The following USH2A variants were observed in gnomAD, a reference collection of about 807,000 sequenced individuals.
The protein encoded by USH2A is usherin, also known as Usher syndrome 2A (autosomal recessive, mild).
In USH2A, 443 loss-of-function variants were observed where a neutral mutation model predicts 538.9. The observed-to-expected ratio is 0.82, with a 90% CI of 0.76 to 0.89. The LOEUF is 0.89. USH2A is among the 40% of genes least tolerant of loss of function. USH2A has a pLI of 0.00. For synonymous variants in USH2A, 2,413 were observed against 2,273.5 expected, an observed-to-expected ratio of 1.06 and a Z score of -1.75; for missense variants, 6,633 against 6,324.8, an observed-to-expected ratio of 1.05 and a Z score of -1.65.
In USH2A at chr1:215,722,366, TA is replaced by T. The variant is rs1391405579; in HGVS notation, c.12066+5663del. 7.2e-5 allele frequency among the ~76,000 whole-genome samples: 11 copies of T among 152,282 alleles called. No homozygotes were observed. In the South Asian group the frequency reaches 2.3e-3, roughly 32 times the overall value. On this transcript the variant is annotated intron_variant, in intron 61 of 71. Coordinates refer to ENST00000307340, the MANE Select transcript of USH2A (RefSeq NM_206933.4). ...GAGAAAAGGCTAAGAATCATCAAAT[TA>T]AAAAGAGTTGAAACTAATTTAAGAT...
At chr1:216,143,897 T>G (rs1006011393) in intron 21 of USH2A, among the ~76,000 whole-genome samples, 2 of 152,146 alleles carry the variant, frequency 1.3e-5, no homozygotes, top group Non-Finnish European at 2.9e-5. Context: ...GAAGCTTTGG[T>G]CTTCTATTGT....
rs940987858 is a variant in USH2A, at chr1:216,344,051, G to T, written c.785-16397C>A. Among the ~76,000 whole-genome samples, 8 of 151,952 alleles carry T rather than the reference G, an allele frequency of 5.3e-5. No individual in the cohort carries two copies. The East Asian group carries it at 5.8e-4, about 11-fold the overall frequency. ...CTTGAATTCTTTCTTGAGTGAGAAA[G>T]AATTTTTTAAGATGTTCTTAGATAC... On this transcript the variant is annotated intron_variant, in intron 4 of 71. Transcript: ENST00000307340.
intron 58 of USH2A, among the ~76,000 whole-genome samples, chr1:215,751,445 C>A (rs1265867207): frequency 6.6e-6 from 1 of 152,016 alleles, no homozygotes; most frequent in Non-Finnish European, 1.5e-5. Context: ...TTAATTAGAA[C>A]ATGATTAAGG....
chr1:216,192,007 T>C (rs946781266), intron 19 of USH2A, among the ~76,000 whole-genome samples: 2 of 152,088 alleles, frequency 1.3e-5, no homozygotes, highest in Non-Finnish European at 2.9e-5. Context: ...AAATTATCAC[T>C]TGGATAGACT....
In USH2A at chr1:215,640,107, G is replaced by A. The variant is rs1656624847; in HGVS notation, c.14968+451C>T. Among the ~76,000 whole-genome samples, 4 of 152,304 alleles carry A rather than the reference G, an allele frequency of 2.6e-5. No individual in the cohort carries two copies. The South Asian group carries it at 8.3e-4, about 32-fold the overall frequency. Reference sequence around the variant, plus strand: ...TGTTCTTTCAGGGGCTGATATCAAGGAAGGTTAAGGAAACCCCTTATTCAG... The same window carrying A: ...TGTTCTTTCAGGGGCTGATATCAAGAAAGGTTAAGGAAACCCCTTATTCAG... On this transcript the variant is annotated intron_variant, in intron 68 of 71. Coordinates refer to ENST00000307340, the MANE Select transcript of USH2A (RefSeq NM_206933.4).
At chr1:216,386,810 A>T (rs1207887220) in intron 3 of USH2A, among the ~76,000 whole-genome samples, 5 of 149,574 alleles carry the variant, frequency 3.3e-5, no homozygotes, top group Admixed American at 1.3e-4. Flanking sequence ...AGCTGAGATC[A>T]CGCCACTGCA....
chr1:215,808,426 A>G (rs1169715091), intron 49 of USH2A, among the ~76,000 whole-genome samples: 1 of 152,114 alleles, frequency 6.6e-6, no homozygotes, highest in East Asian at 1.9e-4. Flanking sequence ...TAAAATGGAA[A>G]TAGTGTTTTA....
intron 11 of USH2A, among the ~76,000 whole-genome samples, chr1:216,286,794 T>C (rs2036895178): frequency 6.6e-6 from 1 of 152,108 alleles, no homozygotes; most frequent in Non-Finnish European, 1.5e-5. Flanking sequence ...GGGTATTTCT[T>C]CCCAGCAGTA....
chr1:215,826,784 C>T (rs1222235688), intron 47 of USH2A, among the ~76,000 whole-genome samples: 1 of 151,946 alleles, frequency 6.6e-6, no homozygotes, highest in Non-Finnish European at 1.5e-5. Context: ...TGGATTAAGA[C>T]AGCTCCATAA....
At chr1:216,187,586 C>G (rs1165161451) in intron 20 of USH2A, among the ~76,000 whole-genome samples, 1 of 151,702 alleles carries the variant, frequency 6.6e-6, no homozygotes, top group Non-Finnish European at 1.5e-5. Context: ...TTAGAACTCT[C>G]CATTTTATAT....
chr1:215,713,186 A>G (rs973629177), intron 61 of USH2A, among the ~76,000 whole-genome samples: 2 of 152,158 alleles, frequency 1.3e-5, no homozygotes, highest in Non-Finnish European at 2.9e-5. Context: ...TGACACCATG[A>G]TATCTTCATG....
intron 20 of USH2A, among the ~76,000 whole-genome samples, chr1:216,181,299 T>C (rs1183472546): frequency 1.3e-5 from 2 of 152,080 alleles, no homozygotes; most frequent in Admixed American, 1.3e-4. Context: ...CAAAATTCTT[T>C]GGTTGAATAA....
At chr1:215,940,734 C>T (rs879355543) in intron 37 of USH2A, among the ~76,000 whole-genome samples, 1 of 152,170 alleles carries the variant, frequency 6.6e-6, no homozygotes, top group Non-Finnish European at 1.5e-5. Flanking sequence ...ATATTTCTTA[C>T]ATTACTGTAA....
intron 23 of USH2A, 102 bp downstream of exon 23, chr1:216,088,910 TA>T (rs1279454986): frequency 6.5e-7 from 1 of 1,542,140 alleles, no homozygotes; most frequent in African/African-American, 1.4e-5. Context: ...TGGAATTGAG[TA>T]GAAATTATGG....
intron 26 of USH2A, among the ~76,000 whole-genome samples, chr1:216,079,616 G>C (rs2031866719): frequency 6.6e-6 from 1 of 152,116 alleles, no homozygotes; most frequent in African/African-American, 2.4e-5. Flanking sequence ...AGGACTTTCA[G>C]TGATAGGAGG....
In USH2A at chr1:216,289,339, AAACAT is replaced by A; in HGVS notation, c.1907_1911del (p.Asp636ValfsTer5). The A allele has an allele frequency of 6.2e-7, 1 of 1,613,986 alleles. No individual in the cohort carries two copies. Among genetic ancestry groups the A allele is most frequent in the East Asian group, 2.2e-5 (1 of 44,856 alleles). On this transcript the variant is annotated frameshift_variant, in exon 11 of 72. Coordinates refer to ENST00000307340, the MANE Select transcript of USH2A (RefSeq NM_206933.4). LOFTEE classifies it high-confidence loss of function. ...ACTGTATCACAGTCACAGGGTTTGC[AAACAT>A]CTATGGCCGAAGGATCTGCACCAAC...
chr1:216,073,238 C>G lies in USH2A; in HGVS notation c.5635G>C (p.Val1879Leu). Residue 1879 changes from valine to leucine, a missense_variant, in exon 28 of 72, where the codon GTG (valine) becomes CTG (leucine). Transcript: ENST00000307340. The part of the protein sequence containing the change: ...TRGAVVNLAS[V>L]SSGAVRVNLD... ...TTGACTCTGACAGCACCGCTGGACA[C>G]AGATGCCAAGTTAACGACAGCACCC... The G allele has an allele frequency of 6.2e-6, 10 of 1,613,928 alleles. No homozygotes were observed. Among genetic ancestry groups the G allele is most frequent in the Non-Finnish European group, 5.9e-6 (7 of 1,179,966 alleles).
intron 61 of USH2A, among the ~76,000 whole-genome samples, chr1:215,704,603 C>T (rs181552575): frequency 6.6e-6 from 1 of 152,304 alleles, no homozygotes; most frequent in Admixed American, 6.5e-5. Flanking sequence ...TCTCTTTGGG[C>T]ACATCCTTAG....
intron 55 of USH2A, among the ~76,000 whole-genome samples, chr1:215,774,451 T>C (rs912844914): frequency 6.6e-6 from 1 of 151,728 alleles, no homozygotes; most frequent in Admixed American, 6.6e-5. Flanking sequence ...TTAATGTTGA[T>C]GTATATCTGG....
Sources: allele counts gnomAD v4.1 joint callset (sites outside exome capture counted in the v4.1 genomes callset), GRCh38; gene constraint gnomAD v4.1.1; transcripts MANE v1.5; gene names NCBI Gene and HGNC (gene_info 2026-07-23, HGNC 2026-07-21).